The following PLA2G4C variants were observed in gnomAD, a reference collection of about 807,000 sequenced individuals.
PLA2G4C encodes the protein cytosolic phospholipase A2 gamma.
PLA2G4C carries 64 observed loss-of-function variants against 73.8 expected under a neutral mutation model. The observed-to-expected ratio is 0.87, with a 90% confidence interval of 0.71 to 1.07. PLA2G4C has a LOEUF of 1.07. PLA2G4C is among the 50% of genes least tolerant of loss of function. PLA2G4C has a pLI of 0.00. For missense variants in PLA2G4C, 622 were observed against 665.4 expected, an observed-to-expected ratio of 0.93 and a Z score of 0.72; for synonymous variants, 254 against 252.1, an observed-to-expected ratio of 1.01 and a Z score of -0.07.
intron 12 of PLA2G4C, among the ~76,000 whole-genome samples, chr19:48,068,178 G>C (rs887848445): frequency 3.9e-5 from 6 of 152,226 alleles, no homozygotes; most frequent in African/African-American, 1.4e-4. Context: ...GGTGGCGCAT[G>C]CCTGTAGTCC....
chr19:48,068,286 G>A (rs1001322546), intron 12 of PLA2G4C, among the ~76,000 whole-genome samples: 4 of 137,062 alleles, frequency 2.9e-5, no homozygotes, highest in Non-Finnish European at 6.1e-5. Flanking sequence ...GCCTGATGAC[G>A]GAGCGAGACT....
intron 10 of PLA2G4C, among the ~76,000 whole-genome samples, chr19:48,079,297 A>G (rs2030384091): frequency 6.6e-6 from 1 of 152,354 alleles, no homozygotes; most frequent in South Asian, 2.1e-4. Context: ...TTACCAAAAC[A>G]GCACGGTACT....
intron 10 of PLA2G4C, among the ~76,000 whole-genome samples, chr19:48,079,786 C>T (rs975288395): frequency 1.3e-5 from 2 of 152,160 alleles, no homozygotes; most frequent in African/African-American, 2.4e-5. Context: ...CATGACGAAA[C>T]CCCATCTCTA....
intron 1 of PLA2G4C, 119 bp downstream of exon 1, chr19:48,110,368 A>T (rs528151651): frequency 1.0e-4 from 56 of 537,342 alleles, no homozygotes; most frequent in African/African-American, 8.6e-4. Context: ...ATAAATAAAT[A>T]AAATAAAATA....
chr19:48,082,815 C>CTTTTT (rs936169612), intron 10 of PLA2G4C, among the ~76,000 whole-genome samples: 12 of 120,486 alleles, frequency 1.0e-4, no homozygotes, highest in Non-Finnish European at 1.9e-4. Flanking sequence ...TTCTTTCTTT[C>CTTTTT]TTTTTTTTTT....
rs771239439 is a variant in PLA2G4C, at chr19:48,088,693, G to T, written c.783C>A (p.Thr261=). The T allele has an allele frequency of 1.2e-6, 2 of 1,608,092 alleles. No homozygotes were observed. Among genetic ancestry groups the T allele is most frequent in the Non-Finnish European group, 1.7e-6 (2 of 1,174,624 alleles). ...EYIFDQLRNL[T]LKGLWRRAVA... is the part of the protein sequence containing the mutation. ...ATGAAGTAGGATGCTTACCTTTCAG[G>T]GTCAGATTCCTTAACTGGTCTGCAA... Residue 261 remains threonine, a synonymous_variant, in exon 9 of 17, where the codon ACC becomes ACA. Coordinates refer to ENST00000599921, the MANE Select transcript of PLA2G4C (RefSeq NM_003706.3).
rs972638104 is a variant in PLA2G4C, at chr19:48,065,208, T to C, written c.1102+2583A>G. ...CAATCAAATATATCTAAGATATACCTTGGTTCGGTCCAGAAAGGTGAGACG... is the reference window on the plus strand; with the variant it reads ...CAATCAAATATATCTAAGATATACCCTGGTTCGGTCCAGAAAGGTGAGACG... On this transcript the variant is annotated intron_variant, in intron 13 of 16. Transcript: ENST00000599921. Among the ~76,000 whole-genome samples the C allele has an allele frequency of 6.4e-4, 93 of 146,088 alleles. 1 individual carries two copies. The highest frequency in any genetic ancestry group is 2.4e-3 in the African/African-American group (92 of 38,880).
At chr19:48,095,799 C>A (rs1374604835) in intron 6 of PLA2G4C, among the ~76,000 whole-genome samples, 195 bp from the exon 7 acceptor site, 1 of 152,174 alleles carries the variant, frequency 6.6e-6, no homozygotes, top group Non-Finnish European at 1.5e-5. Context: ...CAGCTCATAA[C>A]TTCCACAGCA....
intron 16 of PLA2G4C, 55 bp downstream of exon 16, chr19:48,052,942 A>G: frequency 6.4e-7 from 1 of 1,550,552 alleles, no homozygotes; most frequent in African/African-American, 1.4e-5. Context: ...AAGTTCTCCA[A>G]CAGATACTTA....
In PLA2G4C at chr19:48,072,027, T is replaced by A. The variant is rs186809453; in HGVS notation, c.1006+2740A>T. On this transcript the variant is annotated intron_variant, in intron 12 of 16. Transcript: ENST00000599921. The surrounding 1 kb of genome is among the most constrained non-coding windows in gnomAD (Gnocchi z 4.4). ...CGGGTGTGGTGGTGCATGCCTGTGG[T>A]CCCAGCTACTCGGGAGGCTGAGGCA... is the stretch of plus-strand genomic sequence containing the variant. Among the ~76,000 whole-genome samples the A allele has an allele frequency of 1.8e-3, 271 of 151,146 alleles. 7 individuals carry two copies. Among genetic ancestry groups the A allele is most frequent in the East Asian group, 0.012 (61 of 4,936 alleles).
chr19:48,085,432 G>A (rs2030916721), intron 9 of PLA2G4C, among the ~76,000 whole-genome samples: 1 of 152,168 alleles, frequency 6.6e-6, no homozygotes, highest in South Asian at 2.1e-4. Flanking sequence ...CCACAGGCAG[G>A]AAGGGCAAAT....
intron 16 of PLA2G4C, among the ~76,000 whole-genome samples, chr19:48,049,381 C>T (rs1046558561): frequency 6.6e-6 from 1 of 152,128 alleles, no homozygotes; most frequent in East Asian, 1.9e-4. Flanking sequence ...ACCCCCAGAC[C>T]CTTTCCTAAA....
In PLA2G4C at chr19:48,109,528, T is replaced by C. The variant is rs184699257; in HGVS notation, c.-33+959A>G. Among the ~76,000 whole-genome samples, 3 of 152,288 alleles carry C rather than the reference T, an allele frequency of 2.0e-5. No individual in the cohort carries two copies. The East Asian group carries it at 5.8e-4, about 29-fold the overall frequency. On this transcript the variant is annotated intron_variant, in intron 1 of 16. Coordinates refer to ENST00000599921, the MANE Select transcript of PLA2G4C (RefSeq NM_003706.3). ...CTCAAGAGAGCTTTCCACCTTGGCT[T>C]CCCAAAACGCTGGGATTATAGGCAT...
chr19:48,109,191 C>A (rs1484738329), intron 1 of PLA2G4C, among the ~76,000 whole-genome samples: 1 of 142,898 alleles, frequency 7.0e-6, no homozygotes, highest in Non-Finnish European at 1.5e-5. Flanking sequence ...ATCAGCTTCC[C>A]CCCACCACCT....
intron 12 of PLA2G4C, among the ~76,000 whole-genome samples, chr19:48,070,934 C>CA (rs1555745630): frequency 1.2e-4 from 18 of 152,208 alleles, no homozygotes; most frequent in East Asian, 5.8e-4. Context: ...TCTCGGTTTC[C>CA]GCCTGTTGGC....
chr19:48,102,806 AG>A (rs1180836830), intron 4 of PLA2G4C, among the ~76,000 whole-genome samples: 7 of 152,186 alleles, frequency 4.6e-5, no homozygotes, highest in African/African-American at 1.7e-4. Flanking sequence ...ACCGTTCTGC[AG>A]TTATATTTAT....
chr19:48,057,477 C>CTTTTTTTTTTT (rs1265460823), intron 14 of PLA2G4C, among the ~76,000 whole-genome samples: 22 of 16,880 alleles, frequency 1.3e-3, no homozygotes, highest in South Asian at 0.012. Flanking sequence ...TCTTCTTCTT[C>CTTTTTTTTTTT]TTCTTCTTTT....
chr19:48,082,501 T>TC (rs1555748831), intron 10 of PLA2G4C, among the ~76,000 whole-genome samples: 6 of 135,732 alleles, frequency 4.4e-5, no homozygotes, highest in African/African-American at 7.8e-5. Context: ...TCTTTCTTTT[T>TC]TTTTTTTTTT....
rs11564620 is a variant in PLA2G4C, at chr19:48,067,815, T to G, written c.1078A>C (p.Thr360Pro). The G allele has an allele frequency of 0.098, 158,407 of 1,610,696 alleles. 9,094 individuals carry two copies. Among genetic ancestry groups the G allele is most frequent in the African/African-American group, 0.23 (17,235 of 74,806 alleles). The change falls in exon 13 of 17, where the codon ACT (threonine) becomes CCT (proline). Residue 360 changes from threonine to proline, a missense_variant. Coordinates refer to ENST00000599921, the MANE Select transcript of PLA2G4C (RefSeq NM_003706.3). ...CCGTGTTTGTACAGGAAGTTGTGAG[T>G]GGTCCCCCATTCCCACTTTGAAGCG... ...ICASKWEWGTTHNFLYKHGGI... is the reference protein window; with the variant it reads ...ICASKWEWGTPHNFLYKHGGI...
Sources: gnomAD v4.1 joint callset for allele counts (sites outside exome capture counted in the v4.1 genomes callset) on GRCh38, gnomAD v4.1.1 for gene constraint, Gnocchi (gnomAD v3.1) non-coding constraint, MANE v1.5 for transcripts, NCBI Gene and HGNC (gene_info 2026-07-23, HGNC 2026-07-21) for gene names.